The following CCDC33 variants were observed in gnomAD, a reference collection of about 807,000 sequenced individuals.
CCDC33 encodes the protein coiled-coil domain containing 33.
CCDC33 carries 94 observed loss-of-function variants against 91.9 expected under a neutral mutation model. The ratio of observed to expected loss-of-function variants is 1.02; its 90% CI spans 0.87 to 1.21. The LOEUF (loss-of-function observed/expected upper bound fraction) is 1.21. CCDC33 is among the 50% of genes most tolerant of loss of function. The pLI, the probability that CCDC33 is intolerant of heterozygous loss-of-function variation, is 0.00. For synonymous variants in CCDC33, 396 were observed against 374.5 expected, an observed-to-expected ratio of 1.06 and a Z score of -0.66; for missense variants, 940 against 935.5, an observed-to-expected ratio of 1.00 and a Z score of -0.06.
intron 18 of CCDC33, 102 bp downstream of exon 18, chr15:74,335,190 C>T (rs1427421440): frequency 2.2e-6 from 2 of 918,818 alleles, no homozygotes; most frequent in Non-Finnish European, 1.8e-6. Context: ...CATTGTGGAG[C>T]CAACTCCAGG....
At chr15:74,204,251 C>A (rs1221537344) in intron 1 of CCDC33, among the ~76,000 whole-genome samples, 1 of 152,228 alleles carries the variant, frequency 6.6e-6, no homozygotes, top group Non-Finnish European at 1.5e-5. Context: ...TGTGAGCTCC[C>A]GGAGGGCGGG....
chr15:74,272,774 C>T lies in CCDC33; in HGVS notation c.642C>T (p.Val214=). The T allele has an allele frequency of 1.2e-6, 2 of 1,614,028 alleles. No individual in the cohort carries two copies. Among genetic ancestry groups the T allele is most frequent in the Non-Finnish European group, 1.7e-6 (2 of 1,179,992 alleles). ...CCCTGTCTCCCTGCCTCCCCAGGGT[C>T]AGCCAGGCTAACAGGGACCTGGCCT... The part of the protein sequence containing the change: ...RVVPNYKEFK[V]SQANRDLASV... The change falls in exon 7 of 19, where the codon GTC becomes GTT. Residue 214 remains valine (V), a synonymous_variant. Transcript: ENST00000398814.
At chr15:74,312,402 G>A (rs547778869) in intron 11 of CCDC33, among the ~76,000 whole-genome samples, 7 of 152,266 alleles carry the variant, frequency 4.6e-5, no homozygotes, top group South Asian at 2.1e-4. Context: ...ATGAGGCCCC[G>A]TAATTAAGGT....
intron 1 of CCDC33, chr15:74,208,129 G>A (rs1260303103): frequency 2.0e-6 from 2 of 1,010,990 alleles, no homozygotes; most frequent in Non-Finnish European, 2.5e-6. Flanking sequence ...GGCTGTGCCA[G>A]GGGAGCAGCA....
At chr15:74,322,527 C>T (rs572950887) in intron 11 of CCDC33, among the ~76,000 whole-genome samples, 1 of 152,350 alleles carries the variant, frequency 6.6e-6, no homozygotes, top group Non-Finnish European at 1.5e-5. Flanking sequence ...CACTGAGTGA[C>T]TTCAGGCAAA....
chr15:74,253,129 G>C (rs1235709404), intron 2 of CCDC33, among the ~76,000 whole-genome samples: 1 of 152,180 alleles, frequency 6.6e-6, no homozygotes, highest in African/African-American at 2.4e-5. Flanking sequence ...GGGCATTCAT[G>C]GGGGAGATTT....
At chr15:74,205,390 A>C (rs907513031) in intron 1 of CCDC33, among the ~76,000 whole-genome samples, 5 of 152,180 alleles carry the variant, frequency 3.3e-5, no homozygotes, top group Non-Finnish European at 7.4e-5. Flanking sequence ...TCGTGATGGA[A>C]GGTGAAGGGG....
At position 74,229,944 on chromosome 15, in the gene CCDC33, C is replaced by G. The variant is rs191262394; in HGVS notation, c.675+11083C>G. Among the ~76,000 whole-genome samples, 122 of 152,262 alleles carry G rather than the reference C, an allele frequency of 8.0e-4. 1 individual carries two copies. Among genetic ancestry groups the G allele is most frequent in the Middle Eastern group, 6.8e-3 (2 of 294 alleles). ...GCTGTGGATCTGATGTCCCTGAGGT[C>G]GGGTGGGGGAAGGTTGCAGCGAATC... On this transcript the variant is annotated intron_variant, in intron 2 of 2. Coordinates refer to the CCDC33 transcript ENST00000635913.
chr15:74,275,376 A>T (rs956365794), intron 7 of CCDC33, among the ~76,000 whole-genome samples: 2 of 152,118 alleles, frequency 1.3e-5, no homozygotes, highest in Non-Finnish European at 2.9e-5. Flanking sequence ...ACAGAGCTGT[A>T]CCTCCCCTAG....
chr15:74,256,746 G>GAAAT (rs2075878571), intron 2 of CCDC33, among the ~76,000 whole-genome samples: 1 of 152,300 alleles, frequency 6.6e-6, no homozygotes, highest in Admixed American at 6.5e-5. Flanking sequence ...GGAAAACAAG[G>GAAAT]AAATCCCCTT....
rs2074514675 is a variant in CCDC33 at position 74,218,822 on chromosome 15, G to T, written c.636G>T (p.Leu212=). Residue 212 remains leucine (L), a synonymous_variant, in exon 2 of 3, where the codon CTG becomes CTT. Transcript: ENST00000635913. This position sits in a 1 kb window ranked among gnomAD's most constrained non-coding sequence, Gnocchi z 4.8. Reference sequence around the variant, plus strand: ...CTCCCAGGGCTGGCCAGCCAGAACTGATGTCACCATGCCCAGAGCCCCAGC... The same window carrying T: ...CTCCCAGGGCTGGCCAGCCAGAACTTATGTCACCATGCCCAGAGCCCCAGC... 1 of 1,272,688 alleles carries T rather than the reference G, an allele frequency of 7.9e-7. No individual in the cohort carries two copies. Among genetic ancestry groups the T allele is most frequent in the South Asian group, 1.3e-5 (1 of 78,968 alleles). The allele number at this position is 1,272,688 out of a possible 1,614,324, so 78.8% of individuals were successfully genotyped here. A position where few individuals can be genotyped will look rare whatever the true frequency, so the allele number is the denominator to read the frequency against.
rs2075451702 is a variant in CCDC33, at chr15:74,244,387, C to T, written c.185+239C>T. Among the ~76,000 whole-genome samples, 1 of 152,004 alleles carries T rather than the reference C, an allele frequency of 6.6e-6. No individual in the cohort carries two copies. Among genetic ancestry groups the T allele is most frequent in the Admixed American group, 6.6e-5 (1 of 15,262 alleles). On this transcript the variant is annotated intron_variant, in intron 2 of 18. Transcript: ENST00000398814. The surrounding 1 kb of genome is among the most constrained non-coding windows in gnomAD (Gnocchi z 4.2). ...AGAGTCACCCCTCCCCACCCCACAC[C>T]AGTGGGGCAGGGATTGGTCACAGCT... is the stretch of plus-strand genomic sequence containing the variant.
chr15:74,325,213 C>A (rs1179695445), intron 11 of CCDC33, among the ~76,000 whole-genome samples: 2 of 150,732 alleles, frequency 1.3e-5, no homozygotes, highest in Non-Finnish European at 3.0e-5. Context: ...CAGCTTAGGC[C>A]CTTCACTGGC....
In CCDC33 at chr15:74,218,925, G is replaced by C; in HGVS notation, c.675+64G>C. On this transcript the variant is annotated intron_variant, in intron 2 of 2. Coordinates refer to the CCDC33 transcript ENST00000635913. This position sits in a 1 kb window ranked among gnomAD's most constrained non-coding sequence, Gnocchi z 4.8. ...ACCGGGTACAAGACCCAGCCTCCGT[G>C]ATAAGCCAGGCTACCCCCTGTCCTG... The C allele has an allele frequency of 8.4e-7, 1 of 1,190,750 alleles. No homozygotes were observed. The highest frequency in any genetic ancestry group is 1.5e-5 in the South Asian group (1 of 65,072). 73.8% of individuals were successfully genotyped at this position (1,190,750 alleles called of 1,614,324 possible). A position where few individuals can be genotyped will look rare whatever the true frequency, so the allele number is the denominator to read the frequency against.
intron 11 of CCDC33, chr15:74,302,016 T>C (rs2059805323): frequency 6.6e-6 from 1 of 152,122 alleles, no homozygotes; most frequent in African/African-American, 2.4e-5. Context: ...TGTTAAAAGA[T>C]TCAGTGGAGT....
In CCDC33 at chr15:74,321,945, G is replaced by A. The variant is rs2959009; in HGVS notation, c.1291-8244G>A. On this transcript the variant is annotated intron_variant, in intron 11 of 18. Coordinates refer to ENST00000398814, the MANE Select transcript of CCDC33 (RefSeq NM_025055.5). Reference sequence around the variant, plus strand: ...TTGGCAGATGAGGAGTGCCAGGCTGGTGTAGGCGAGAAACAGCTTCTGGGC... The same window carrying A: ...TTGGCAGATGAGGAGTGCCAGGCTGATGTAGGCGAGAAACAGCTTCTGGGC... 1.7e-4 allele frequency among the ~76,000 whole-genome samples: 26 copies of A among 152,294 alleles called. No homozygotes were observed. The East Asian group carries it at 4.5e-3, about 26-fold the overall frequency.
chr15:74,211,970 C>T (rs906762897), intron 2 of CCDC33, among the ~76,000 whole-genome samples: 1 of 152,134 alleles, frequency 6.6e-6, no homozygotes, highest in Non-Finnish European at 1.5e-5. Flanking sequence ...TCCCCACTCC[C>T]CAGTCTGGCT....
rs932130326 is a variant in CCDC33 at position 74,308,415 on chromosome 15, G to A, written c.1290+12467G>A. 7.0e-5 allele frequency among the ~76,000 whole-genome samples: 10 copies of A among 143,300 alleles called. No homozygotes were observed. In the East Asian group the frequency reaches 8.4e-4, roughly 12 times the overall value. The allele number at this position is 143,300 out of a possible 152,430, so 94.0% of individuals were successfully genotyped here. A position where few individuals can be genotyped will look rare whatever the true frequency, so the allele number is the denominator to read the frequency against. On this transcript the variant is annotated intron_variant, in intron 11 of 18. Coordinates refer to ENST00000398814, the MANE Select transcript of CCDC33 (RefSeq NM_025055.5). ...TGGTGCTAAATATCCAATCAAGTCC[G>A]CAGATAATAGAGACCAGCCAGTTCA...
chr15:74,226,656 G>A (rs776802654), intron 2 of CCDC33, among the ~76,000 whole-genome samples: 5 of 151,992 alleles, frequency 3.3e-5, no homozygotes, highest in Non-Finnish European at 7.4e-5. Flanking sequence ...GTGAAACCCC[G>A]TCTCTACTGA....
Sources: allele counts gnomAD v4.1 joint callset (sites outside exome capture counted in the v4.1 genomes callset), GRCh38; gene constraint gnomAD v4.1.1; non-coding constraint Gnocchi (gnomAD v3.1); transcripts MANE v1.5; gene names NCBI Gene and HGNC (gene_info 2026-07-23, HGNC 2026-07-21).